The following KIAA0232 variants were observed in gnomAD, a reference collection of about 807,000 sequenced individuals.
The protein encoded by KIAA0232 is uncharacterized protein KIAA0232.
In KIAA0232, 27 loss-of-function variants were observed where a neutral mutation model predicts 122.0. That is an observed-to-expected ratio of 0.22 (90% CI 0.16 to 0.31). KIAA0232 has a LOEUF of 0.31. Among genes scored for constraint, KIAA0232 ranks in the 10% least tolerant of loss-of-function variants. KIAA0232 has a pLI of 1.00. For missense variants in KIAA0232, 1,551 were observed against 1,634.2 expected, an observed-to-expected ratio of 0.95 and a Z score of 0.88; for synonymous variants, 613 against 587.6, an observed-to-expected ratio of 1.04 and a Z score of -0.63.
chr4:6,837,351 C>G (rs879510776), intron 3 of KIAA0232, among the ~76,000 whole-genome samples: 1 of 144,582 alleles, frequency 6.9e-6, no homozygotes, highest in Non-Finnish European at 1.5e-5. Flanking sequence ...ACATCCCAGA[C>G]GATGGGCGGC....
chr4:6,862,638 T>A lies in KIAA0232; in HGVS notation c.2256T>A (p.Asn752Lys). 1 of 1,613,340 alleles carries A rather than the reference T, an allele frequency of 6.2e-7. No homozygotes were observed. The highest frequency in any genetic ancestry group is 1.1e-5 in the South Asian group (1 of 90,682). Residue 752 changes from asparagine (N) to lysine (K), a missense_variant, in exon 7 of 10, where the codon AAT becomes AAA. Coordinates refer to ENST00000307659, the MANE Select transcript of KIAA0232 (RefSeq NM_014743.3). ...INYVVPRVSS[N>K]YVDEELLDFL... ...ATGTAGTTCCTAGAGTCTCGTCAAA[T>A]TATGTAGATGAAGAACTTCTAGATT...
Position 6,800,043 on chromosome 4 carries a change from C to CTTTTTTTTTTTTTTTTTTTTTTTT in KIAA0232, c.-353-4471_-353-4448dup, listed in dbSNP as rs752428517. Among the ~76,000 whole-genome samples, 37 of 60,086 alleles carry CTTTTTTTTTTTTTTTTTTTTTTTT rather than the reference C, an allele frequency of 6.2e-4. 6 individuals carry two copies. The highest frequency in any genetic ancestry group is 9.3e-4 in the Non-Finnish European group (26 of 28,100). 39.4% of individuals were successfully genotyped at this position (60,086 alleles called of 152,430 possible). A position where few individuals can be genotyped will look rare whatever the true frequency, so the allele number is the denominator to read the frequency against. On this transcript the variant is annotated intron_variant, in intron 1 of 9. Coordinates refer to ENST00000307659, the MANE Select transcript of KIAA0232 (RefSeq NM_014743.3). The stretch of plus-strand genomic sequence containing the variant: ...TTTCTTTTTCTTTCTTTCTTTCTTT[C>CTTTTTTTTTTTTTTTTTTTTTTTT]TTTTTTTTTTTTTTTTTTTTTTTTT...
intron 7 of KIAA0232, among the ~76,000 whole-genome samples, chr4:6,871,346 A>G (rs994916019): frequency 1.8e-4 from 27 of 152,174 alleles, no homozygotes; most frequent in Admixed American, 1.6e-3. Flanking sequence ...AGGTGGAAGG[A>G]TCACTTGAGC....
At position 6,864,043 on chromosome 4, in the gene KIAA0232, A is replaced by G. The variant is rs372947388; in HGVS notation, c.3661A>G (p.Ile1221Val). ...ATGTAGCATGAATGAATCCCTGGAA[A>G]TAGATTTAGAAAGCTCAGAAGCAAA... ...LECSMNESLEIDLESSEANCK... is the reference protein window; with the variant it reads ...LECSMNESLEVDLESSEANCK... The change falls in exon 7 of 10, where the codon ATA (isoleucine) becomes GTA (valine). Residue 1221 changes from isoleucine to valine, a missense_variant. Physicochemically the swap from Ile to Val is conservative, Grantham distance 29. Coordinates refer to ENST00000307659, the MANE Select transcript of KIAA0232 (RefSeq NM_014743.3). 6.9e-5 allele frequency: 111 copies of G among 1,614,228 alleles called. 1 individual carries two copies. Among genetic ancestry groups the G allele is most frequent in the South Asian group, 2.6e-4 (24 of 91,082 alleles).
chr4:6,867,572 A>T (rs1279840371), intron 7 of KIAA0232, among the ~76,000 whole-genome samples: 3 of 152,178 alleles, frequency 2.0e-5, no homozygotes, highest in African/African-American at 7.2e-5. Context: ...ACAGAAAATA[A>T]GCAAAAGGCT....
At chr4:6,843,798 A>G (rs1214722258) in intron 4 of KIAA0232, among the ~76,000 whole-genome samples, 2 of 151,950 alleles carry the variant, frequency 1.3e-5, no homozygotes, top group South Asian at 2.1e-4. Flanking sequence ...TTGTCTCTGA[A>G]AGCCTGACTC....
At chr4:6,823,765 A>G (rs1718531575) in intron 2 of KIAA0232, among the ~76,000 whole-genome samples, 1 of 152,104 alleles carries the variant, frequency 6.6e-6, no homozygotes, top group African/African-American at 2.4e-5. Flanking sequence ...GAAGCAGAGC[A>G]TCAACTCCTG....
At chr4:6,809,982 A>G (rs760698814) in intron 2 of KIAA0232, among the ~76,000 whole-genome samples, 7 of 152,200 alleles carry the variant, frequency 4.6e-5, no homozygotes, top group Non-Finnish European at 8.8e-5. Flanking sequence ...AAGAATTAAT[A>G]TCATTAAAGT....
At chr4:6,877,203 G>A (rs984925964) in intron 9 of KIAA0232, among the ~76,000 whole-genome samples, 2 of 152,086 alleles carry the variant, frequency 1.3e-5, no homozygotes, top group African/African-American at 2.4e-5. Flanking sequence ...TCTGCAGAAC[G>A]ATCCCGCCCT....
chr4:6,833,959 A>G (rs528754233), intron 3 of KIAA0232, among the ~76,000 whole-genome samples: 6 of 152,288 alleles, frequency 3.9e-5, no homozygotes, highest in African/African-American at 1.2e-4. Context: ...ACTGTAAGTC[A>G]GTATCACATT....
In KIAA0232 at chr4:6,824,071, T is replaced by C. The variant is rs1295819958; in HGVS notation, c.-269-114T>C. The C allele has an allele frequency of 3.5e-5, 14 of 398,882 alleles. No homozygotes were observed. In the East Asian group the frequency reaches 4.7e-4, roughly 13 times the overall value. The allele number at this position is 398,882 out of a possible 1,614,324, so 24.7% of individuals were successfully genotyped here. ...GGGGGGAAAAATCAGTGTTCTAAGA[T>C]ACCAAAAATATTTTAATAAAGAGGG... On this transcript the variant is annotated intron_variant, in intron 2 of 9. Transcript: ENST00000307659.
chr4:6,872,847 A>G (rs946593237), intron 8 of KIAA0232, among the ~76,000 whole-genome samples: 7 of 152,242 alleles, frequency 4.6e-5, no homozygotes, highest in African/African-American at 1.7e-4. Flanking sequence ...CCTCGGCAGC[A>G]TGGGCTATAG....
Position 6,862,533 on chromosome 4 carries a change from A to G in KIAA0232, c.2151A>G (p.Ser717=), listed in dbSNP as rs747343639. 1.1e-5 allele frequency: 17 copies of G among 1,613,458 alleles called. No individual in the cohort carries two copies. The East Asian group carries it at 3.8e-4, about 36-fold the overall frequency. Residue 717 remains serine, a synonymous_variant, in exon 7 of 10, where the codon TCA becomes TCG. Transcript: ENST00000307659. ...GAACTTGTAGTCCATGGTCCCATTC[A>G]GAAGAAACACGTTCAGACAATGAAA... ...STRTCSPWSH[S]EETRSDNETL... is the part of the protein sequence containing the mutation.
At chr4:6,823,724 CA>C (rs35703069) in intron 2 of KIAA0232, among the ~76,000 whole-genome samples, 39,849 of 139,550 alleles carry the variant, frequency 0.29, 5,501 homozygotes, top group Non-Finnish European at 0.32. Context: ...CTTGAGATAG[CA>C]AAAAAAAAAA....
chr4:6,876,267 C>T (rs1344626045), intron 8 of KIAA0232, among the ~76,000 whole-genome samples: 1 of 152,208 alleles, frequency 6.6e-6, no homozygotes, highest in Non-Finnish European at 1.5e-5. Flanking sequence ...TGCTATGATG[C>T]ACCATCTGTC....
At chr4:6,795,625 C>T (rs1057219093) in intron 1 of KIAA0232, among the ~76,000 whole-genome samples, 2 of 152,136 alleles carry the variant, frequency 1.3e-5, no homozygotes, top group Admixed American at 6.5e-5. Context: ...GCTAGGACAT[C>T]ACTGTCACCT....
chr4:6,783,580 C>G (rs1284117881), intron 1 of KIAA0232, among the ~76,000 whole-genome samples: 2 of 151,990 alleles, frequency 1.3e-5, no homozygotes, highest in African/African-American at 4.8e-5. Flanking sequence ...CAGCATTGTC[C>G]TTTTGGGGCC....
intron 7 of KIAA0232, among the ~76,000 whole-genome samples, chr4:6,867,139 A>T (rs1436182347): frequency 6.6e-6 from 1 of 152,122 alleles, no homozygotes; most frequent in Non-Finnish European, 1.5e-5. Context: ...CATCGTATGG[A>T]TATACCGTAA....
At chr4:6,880,375 G>GC (rs537676571) in intron 9 of KIAA0232, among the ~76,000 whole-genome samples, 6 of 146,018 alleles carry the variant, frequency 4.1e-5, no homozygotes, top group Non-Finnish European at 3.0e-5. Context: ...CGTCTGCAGT[G>GC]CCCCCCTCAC....
Sources: allele counts gnomAD v4.1 joint callset (sites outside exome capture counted in the v4.1 genomes callset), GRCh38; gene constraint gnomAD v4.1.1; transcripts MANE v1.5; gene names NCBI Gene and HGNC (gene_info 2026-07-23, HGNC 2026-07-21).